The following SLC24A2 variants were observed in gnomAD, a reference collection of about 807,000 sequenced individuals.
The protein encoded by SLC24A2 is solute carrier family 24 member 2.
A neutral mutation model predicts 62.0 loss-of-function variants in SLC24A2; 36 were observed. The observed-to-expected ratio is 0.58, with a 90% CI of 0.44 to 0.77. The LOEUF is 0.77. Ranked by LOEUF, SLC24A2 falls within the 30% of genes least tolerant of loss-of-function variation. SLC24A2 has a pLI of 0.00. For missense variants in SLC24A2, 846 were observed against 817.9 expected (o/e 1.03, Z -0.42); for synonymous variants, 358 against 294.0 (o/e 1.22, Z -2.23).
At chr9:20,061,382 G>A in the SLC24A2 span, among the ~76,000 whole-genome samples, 1 of 152,014 alleles carries the variant, frequency 6.6e-6, no homozygotes, top group Non-Finnish European at 1.5e-5. Flanking sequence ...CGCCTCCTTG[G>A]TTCAAGTGAT....
At chr9:19,710,645 G>A (rs1820687418) in intron 2 of SLC24A2, among the ~76,000 whole-genome samples, 1 of 152,152 alleles carries the variant, frequency 6.6e-6, no homozygotes, top group Non-Finnish European at 1.5e-5. Flanking sequence ...AATGATATGA[G>A]GGATCTGTAG....
At chr9:19,992,227 A>G in the SLC24A2 span, among the ~76,000 whole-genome samples, 2 of 152,202 alleles carry the variant, frequency 1.3e-5, no homozygotes, top group South Asian at 2.1e-4. Context: ...GGGATGTCCA[A>G]TAGGCTTGGT....
the SLC24A2 span, among the ~76,000 whole-genome samples, chr9:19,881,738 A>C: frequency 6.6e-6 from 1 of 152,184 alleles, no homozygotes; most frequent in Admixed American, 6.5e-5. Context: ...TCAAATTTGC[A>C]CATGTCAAAT....
the SLC24A2 span, among the ~76,000 whole-genome samples, chr9:19,842,483 C>A: frequency 6.6e-6 from 1 of 152,152 alleles, no homozygotes; most frequent in Non-Finnish European, 1.5e-5. Flanking sequence ...ATGTTGCTGT[C>A]CCCATGGCCA....
the SLC24A2 span, among the ~76,000 whole-genome samples, chr9:20,233,269 C>T: frequency 6.6e-6 from 1 of 152,056 alleles, no homozygotes; most frequent in Non-Finnish European, 1.5e-5. Flanking sequence ...GAGTTCAATT[C>T]CTGGGTATCC....
At chr9:20,108,355 C>A in the SLC24A2 span, among the ~76,000 whole-genome samples, 1 of 152,110 alleles carries the variant, frequency 6.6e-6, no homozygotes, top group Admixed American at 6.5e-5. Context: ...TGGGTATATA[C>A]CCAAAGGACT....
chr9:19,804,326 A>T, the SLC24A2 span, among the ~76,000 whole-genome samples: 2 of 152,064 alleles, frequency 1.3e-5, no homozygotes, highest in Non-Finnish European at 2.9e-5. Flanking sequence ...CTCTTGAAAA[A>T]TTTTTTAAAT....
At chr9:19,661,110 A>T (rs921720850) in intron 2 of SLC24A2, among the ~76,000 whole-genome samples, 1 of 152,098 alleles carries the variant, frequency 6.6e-6, no homozygotes, top group African/African-American at 2.4e-5. Context: ...CTTGTGAGAA[A>T]CTTCACCTGT....
chr9:19,617,077 A>T (rs1446380859), intron 4 of SLC24A2, among the ~76,000 whole-genome samples: 1 of 152,174 alleles, frequency 6.6e-6, no homozygotes, highest in Non-Finnish European at 1.5e-5. Flanking sequence ...TCTACACCAG[A>T]CACTGGGTCT....
chr9:20,136,602 G>C, the SLC24A2 span, among the ~76,000 whole-genome samples: 1,076 of 152,216 alleles, frequency 7.1e-3, 15 homozygotes, highest in African/African-American at 0.024. Flanking sequence ...CCCATACTGA[G>C]TGAAAGATAG....
chr9:19,882,310 G>A, the SLC24A2 span, among the ~76,000 whole-genome samples: 1 of 152,090 alleles, frequency 6.6e-6, no homozygotes, highest in Non-Finnish European at 1.5e-5. Context: ...TATCATACTG[G>A]TGTTTTAATT....
chr9:20,055,425 TTAAG>T, the SLC24A2 span, among the ~76,000 whole-genome samples: 3 of 152,164 alleles, frequency 2.0e-5, no homozygotes, highest in Admixed American at 6.5e-5. Flanking sequence ...CTTATAAATA[TTAAG>T]TAAGTATAAT....
chr9:20,082,265 C>T, the SLC24A2 span, among the ~76,000 whole-genome samples: 1 of 152,162 alleles, frequency 6.6e-6, no homozygotes, highest in African/African-American at 2.4e-5. Flanking sequence ...GGATAACTCA[C>T]CCTTATTAAC....
chr9:19,781,624 A>T (rs1823023841), intron 2 of SLC24A2, among the ~76,000 whole-genome samples: 1 of 152,206 alleles, frequency 6.6e-6, no homozygotes, highest in Non-Finnish European at 1.5e-5. Flanking sequence ...GGAAAATATC[A>T]CCATGCTGTA....
chr9:20,267,705 T>C, the SLC24A2 span, among the ~76,000 whole-genome samples: 1 of 152,218 alleles, frequency 6.6e-6, no homozygotes, highest in Admixed American at 6.5e-5. Context: ...ACTTGGCGTA[T>C]TGCAGGACTA....
At chr9:19,891,689 T>C in the SLC24A2 span, among the ~76,000 whole-genome samples, 1 of 152,166 alleles carries the variant, frequency 6.6e-6, no homozygotes, top group East Asian at 1.9e-4. Flanking sequence ...AAGGCTGCAG[T>C]GAGCTATGAT....
At chr9:20,019,904 G>C in the SLC24A2 span, among the ~76,000 whole-genome samples, 2 of 150,296 alleles carry the variant, frequency 1.3e-5, no homozygotes, top group Non-Finnish European at 3.0e-5. Context: ...CCAAAAAGTG[G>C]GTAAAGGATA....
At chr9:20,301,582 CTT>C in the SLC24A2 span, among the ~76,000 whole-genome samples, 2 of 141,286 alleles carry the variant, frequency 1.4e-5, no homozygotes, top group Admixed American at 7.0e-5. Flanking sequence ...AAATTAAAGC[CTT>C]TTTTTTTTTT....
the SLC24A2 span, among the ~76,000 whole-genome samples, chr9:20,016,571 G>A: frequency 6.6e-6 from 1 of 152,154 alleles, no homozygotes; most frequent in Non-Finnish European, 1.5e-5. Flanking sequence ...CATAATTCAA[G>A]ATAAATAAAC....
Sources: allele counts gnomAD v4.1 joint callset (sites outside exome capture counted in the v4.1 genomes callset), GRCh38; gene constraint gnomAD v4.1.1; transcripts MANE v1.5; gene names NCBI Gene and HGNC (gene_info 2026-07-23, HGNC 2026-07-21).